SMCHD1: variants seen among roughly 807,000 people sequenced by gnomAD.
SMCHD1 encodes the protein structural maintenance of chromosomes flexible hinge domain-containing protein 1.
SMCHD1 carries 78 observed loss-of-function variants against 254.7 expected under a neutral mutation model. The ratio of observed to expected loss-of-function variants is 0.31; its 90% CI spans 0.26 to 0.37. The LOEUF (loss-of-function observed/expected upper bound fraction) is 0.37, where lower values mean the gene tolerates loss of function less well. Ranked by LOEUF, SMCHD1 falls within the 10% of genes least tolerant of loss-of-function variation. The pLI, the probability that SMCHD1 is intolerant of heterozygous loss-of-function variation, is 1.00. For synonymous variants in SMCHD1, 766 were observed against 794.9 expected (o/e 0.96, Z 0.61); for missense variants, 1,840 against 2,408.1 (o/e 0.76, Z 4.94).
At chr18:2,800,940 A>G (rs942791784) in intron 47 of SMCHD1, 2 of 152,208 alleles carry the variant, frequency 1.3e-5, no homozygotes, top group South Asian at 2.1e-4. Flanking sequence ...TTATAAAATT[A>G]TAATTACTAT....
intron 7 of SMCHD1, chr18:2,691,848 T>C (rs1442266243): frequency 6.6e-6 from 1 of 152,268 alleles, no homozygotes; most frequent in Non-Finnish European, 1.5e-5. Context: ...ATCCACGAGT[T>C]GGAATGATCT....
chr18:2,799,032 T>TA (rs771868101), intron 47 of SMCHD1, among the ~76,000 whole-genome samples: 13 of 152,176 alleles, frequency 8.5e-5, no homozygotes, highest in Non-Finnish European at 1.9e-4. Flanking sequence ...ATAATATTGT[T>TA]AGTAGTATAA....
rs2075089100 is a variant in SMCHD1, at chr18:2,729,284, G to A, written c.2923G>A (p.Ala975Thr). Residue 975 changes from alanine to threonine, a missense_variant, in exon 24 of 48, where the codon GCT becomes ACT. Around this residue, in one of 9 missense-constraint regions of SMCHD1, gnomAD observed 881 missense variants for 1,009.5 expected, o/e 0.87. Transcript: ENST00000320876. ...TTCATCTTTCAAATAGTTTTCAGGT[G>A]CTCCAAACCTTCCAGTCTATGTTGT... ...KLIVHCKFSGAPNLPVYVVDC... is the reference protein window; with the variant it reads ...KLIVHCKFSGTPNLPVYVVDC... 2.0e-6 allele frequency: 3 copies of A among 1,489,362 alleles called. No individual in the cohort carries two copies. The East Asian group carries it at 7.4e-5, about 37-fold the overall frequency. The allele number at this position is 1,489,362 out of a possible 1,614,324, so 92.3% of individuals were successfully genotyped here.
intron 45 of SMCHD1, among the ~76,000 whole-genome samples, chr18:2,787,253 A>G (rs1040215137): frequency 1.3e-5 from 2 of 152,004 alleles, no homozygotes; most frequent in African/African-American, 4.8e-5. Context: ...GCAAGAATTC[A>G]CTCACTCCCA....
chr18:2,736,989 C>T (rs1193023704), intron 25 of SMCHD1, among the ~76,000 whole-genome samples: 1 of 152,166 alleles, frequency 6.6e-6, no homozygotes, highest in Non-Finnish European at 1.5e-5. Flanking sequence ...GACATAGGTG[C>T]CTGTCGGTAG....
chr18:2,745,178 A>G (rs1047496809), intron 29 of SMCHD1, among the ~76,000 whole-genome samples: 3 of 47,136 alleles, frequency 6.4e-5, no homozygotes, highest in Non-Finnish European at 9.8e-5. Context: ...GCTAACTTTG[A>G]AACAAGTTTT....
intron 44 of SMCHD1, among the ~76,000 whole-genome samples, chr18:2,782,744 CAAAAAAAAAAAAAAAAA>C (rs779083565): frequency 1.1e-4 from 5 of 44,980 alleles, no homozygotes; most frequent in South Asian, 1.0e-3. Context: ...GACCACAACT[CAAAAAAAAAAAAAAAAA>C]AAAAAAAAAA....
chr18:2,709,292 AT>A (rs1203844968), intron 17 of SMCHD1, among the ~76,000 whole-genome samples: 2 of 151,232 alleles, frequency 1.3e-5, no homozygotes, highest in Non-Finnish European at 2.9e-5. Flanking sequence ...TTGTTTATCC[AT>A]TTGTTTGATG....
intron 1 of SMCHD1, 113 bp downstream of exon 1, chr18:2,656,374 C>T (rs1440540285): frequency 5.8e-6 from 6 of 1,026,210 alleles, no homozygotes; most frequent in East Asian, 3.2e-5. Flanking sequence ...CCCGGTCCTG[C>T]GGCCTTGGCT....
In SMCHD1 at chr18:2,694,574, T is replaced by G; in HGVS notation, c.921T>G (p.His307Gln). 6.2e-7 allele frequency: 1 copy of G among 1,607,340 alleles called. No individual in the cohort carries two copies. The highest frequency in any genetic ancestry group is 8.5e-7 in the Non-Finnish European group (1 of 1,175,736). ...CAAATGATGATGAAAGATTTCTACA[T>G]CATCTTATCATAGAGGAGAAGGAAA... is the stretch of plus-strand genomic sequence containing the variant. ...HITNDDERFL[H>Q]HLIIEEKEKD... Residue 307 changes from histidine to glutamine, a missense_variant, in exon 8 of 48, where the codon CAT becomes CAG. Physicochemically the swap from His to Gln is conservative, Grantham distance 24. Transcript: ENST00000320876.
intron 5 of SMCHD1, among the ~76,000 whole-genome samples, chr18:2,678,404 G>C (rs1379274438): frequency 6.6e-6 from 1 of 151,136 alleles, no homozygotes; most frequent in Non-Finnish European, 1.5e-5. Context: ...GGGTTCCAGC[G>C]ATTCTCCTGC....
chr18:2,777,812 A>G lies in SMCHD1; in HGVS notation c.5373A>G (p.Leu1791=). The G allele has an allele frequency of 6.6e-7, 1 of 1,521,542 alleles. No homozygotes were observed. Among genetic ancestry groups the G allele is most frequent in the South Asian group, 1.3e-5 (1 of 79,618 alleles). 94.3% of individuals were successfully genotyped at this position (1,521,542 alleles called of 1,614,324 possible). ...AAAATTTCTTTTTATTTAGATCTCTACCTCATTTCCGAAATGGAAAATTGT... is the reference window on the plus strand; with the variant it reads ...AAAATTTCTTTTTATTTAGATCTCTGCCTCATTTCCGAAATGGAAAATTGT... The part of the protein sequence containing the change: ...KKTLPDWKRS[L]PHFRNGKLYF... The change falls in exon 43 of 48, where the codon CTA becomes CTG. Residue 1791 remains leucine (L), a synonymous_variant. Coordinates refer to ENST00000320876, the MANE Select transcript of SMCHD1 (RefSeq NM_015295.3).
chr18:2,768,155 C>G (rs2075904005), intron 37 of SMCHD1, among the ~76,000 whole-genome samples: 1 of 149,410 alleles, frequency 6.7e-6, no homozygotes, highest in African/African-American at 2.5e-5. Context: ...GAACTACTTG[C>G]AAATCAATTA....
intron 17 of SMCHD1, among the ~76,000 whole-genome samples, chr18:2,708,907 TA>T (rs1555635504): frequency 2.4e-3 from 106 of 44,568 alleles, no homozygotes; most frequent in South Asian, 4.2e-3. Flanking sequence ...TATATATATA[TA>T]ACATATTAAC....
At chr18:2,701,748 G>A (rs1439930702) in intron 12 of SMCHD1, among the ~76,000 whole-genome samples, 1 of 152,040 alleles carries the variant, frequency 6.6e-6, no homozygotes, top group Non-Finnish European at 1.5e-5. Context: ...GTATACTAGT[G>A]TACTTGTATT....
In SMCHD1 at chr18:2,666,977, C is replaced by T; in HGVS notation, c.370C>T (p.Leu124=). Residue 124 remains leucine, a synonymous_variant, in exon 3 of 48, where the codon CTG becomes TTG. Coordinates refer to ENST00000320876, the MANE Select transcript of SMCHD1 (RefSeq NM_015295.3). ...RIDFLPHYDT[L]VKSGMYEYYA... ...TGACTTCTTACCTCACTATGACACA[C>T]TGGTTAAAAGTGGCATGTATGAATA... The T allele has an allele frequency of 6.2e-7, 1 of 1,607,806 alleles. No homozygotes were observed. Among genetic ancestry groups the T allele is most frequent in the South Asian group, 1.1e-5 (1 of 90,224 alleles).
At chr18:2,735,668 T>C (rs1040115148) in intron 25 of SMCHD1, among the ~76,000 whole-genome samples, 36 of 152,180 alleles carry the variant, frequency 2.4e-4, no homozygotes, top group African/African-American at 8.4e-4. Context: ...CAGTCCCATT[T>C]ACGGTAGCCA....
At chr18:2,719,021 A>G (rs931307974) in intron 19 of SMCHD1, among the ~76,000 whole-genome samples, 1 of 151,368 alleles carries the variant, frequency 6.6e-6, no homozygotes, top group Non-Finnish European at 1.5e-5. Flanking sequence ...TCTGTTCCCC[A>G]GTCCTCAAGT....
chr18:2,708,998 T>G (rs1206049141), intron 17 of SMCHD1, among the ~76,000 whole-genome samples: 1 of 145,960 alleles, frequency 6.9e-6, no homozygotes, highest in African/African-American at 2.5e-5. Context: ...CATTTTTTCA[T>G]CATTTCAAAC....
Sources: gnomAD v4.1 joint callset for allele counts (sites outside exome capture counted in the v4.1 genomes callset) on GRCh38, gnomAD v4.1.1 for gene constraint, gnomAD v4.1.1 regional missense constraint, MANE v1.5 for transcripts, NCBI Gene and HGNC (gene_info 2026-07-23, HGNC 2026-07-21) for gene names.